CAMK1D: variants seen among roughly 807,000 people sequenced by gnomAD.
The protein encoded by CAMK1D is calcium/calmodulin-dependent protein kinase type 1D.
Under a neutral mutation model 47.7 loss-of-function variants are expected in CAMK1D, and 9 were observed. That is an observed-to-expected ratio of 0.19 (90% CI 0.11 to 0.33). The LOEUF (loss-of-function observed/expected upper bound fraction) is 0.33, where lower values mean the gene tolerates loss of function less well. Ranked by LOEUF, CAMK1D falls within the 10% of genes least tolerant of loss-of-function variation. The pLI, the probability that CAMK1D is intolerant of heterozygous loss-of-function variation, is 1.00. For synonymous variants in CAMK1D, 184 were observed against 184.9 expected (o/e 0.99, Z 0.04); for missense variants, 291 against 488.7 (o/e 0.60, Z 3.81).
At chr10:12,515,430 C>T (rs7910360) in intron 1 of CAMK1D, among the ~76,000 whole-genome samples, 393 of 91,382 alleles carry the variant, frequency 4.3e-3, no homozygotes, top group East Asian at 7.3e-3. Flanking sequence ...TTTTTTTTTT[C>T]ATTATACTTT....
At position 12,697,622 on chromosome 10, in the gene CAMK1D, C is replaced by T. The variant is rs191094464; in HGVS notation, c.299+30812C>T. Among the ~76,000 whole-genome samples, 104 of 152,356 alleles carry T rather than the reference C, an allele frequency of 6.8e-4. 1 individual carries two copies. Among genetic ancestry groups the T allele is most frequent in the African/African-American group, 2.3e-3 (94 of 41,594 alleles). On this transcript the variant is annotated intron_variant, in intron 3 of 10. Coordinates refer to ENST00000619168, the MANE Select transcript of CAMK1D (RefSeq NM_153498.4). ...CCATGTTGGCCAGGTTGGTCTCAAA[C>T]TTCTGACCTCAGGTGATCTGCTCGC... is the stretch of plus-strand genomic sequence containing the variant.
intron 2 of CAMK1D, among the ~76,000 whole-genome samples, chr10:12,566,728 G>A (rs1263282680): frequency 6.6e-6 from 1 of 152,216 alleles, no homozygotes; most frequent in African/African-American, 2.4e-5. Flanking sequence ...TCTTTCAGGA[G>A]AATGCGGGAA....
chr10:12,385,728 A>G (rs1268819000), intron 1 of CAMK1D, among the ~76,000 whole-genome samples: 2 of 146,150 alleles, frequency 1.4e-5, no homozygotes, highest in Non-Finnish European at 3.0e-5. Context: ...ACTGAGAACC[A>G]TTGAATTGTA....
intron 6 of CAMK1D, among the ~76,000 whole-genome samples, chr10:12,805,368 T>C (rs1224766197): frequency 2.6e-5 from 1 of 38,254 alleles, no homozygotes; most frequent in East Asian, 2.1e-3. Context: ...TTTACATTTC[T>C]TTTTTTTTTT....
chr10:12,589,951 CAG>C (rs1588666669), intron 2 of CAMK1D, among the ~76,000 whole-genome samples: 2 of 152,274 alleles, frequency 1.3e-5, no homozygotes. Context: ...TGCCAAACCT[CAG>C]AGCCAAGGGG....
chr10:12,685,849 C>G (rs1003651851), intron 3 of CAMK1D, among the ~76,000 whole-genome samples: 4 of 152,212 alleles, frequency 2.6e-5, no homozygotes, highest in Non-Finnish European at 5.9e-5. Context: ...GAATTTTCGG[C>G]TCTTCGGGAA....
At chr10:12,474,454 A>G (rs1833842704) in intron 1 of CAMK1D, among the ~76,000 whole-genome samples, 1 of 151,936 alleles carries the variant, frequency 6.6e-6, no homozygotes, top group Admixed American at 6.6e-5. Flanking sequence ...CGGCTTCCAA[A>G]AGTGCTGGGA....
At position 12,370,772 on chromosome 10, in the gene CAMK1D, C is replaced by G. The variant is rs1288924261; in HGVS notation, c.92+20862C>G. Among the ~76,000 whole-genome samples, 5 of 152,086 alleles carry G rather than the reference C, an allele frequency of 3.3e-5. 1 individual carries two copies. The South Asian group carries it at 1.0e-3, about 32-fold the overall frequency. On this transcript the variant is annotated intron_variant, in intron 1 of 10. Transcript: ENST00000619168. ...TACAGGCATGCGCCACCACGCCCGG[C>G]TAATTTTTGTACTTTAGTAGAGACG... is the stretch of plus-strand genomic sequence containing the variant.
At chr10:12,384,996 G>C (rs745841596) in intron 1 of CAMK1D, among the ~76,000 whole-genome samples, 1 of 152,170 alleles carries the variant, frequency 6.6e-6, no homozygotes, top group Non-Finnish European at 1.5e-5. Context: ...GAAGGTACAT[G>C]AAAAGATGCC....
At chr10:12,645,463 G>A (rs1159715121) in intron 2 of CAMK1D, among the ~76,000 whole-genome samples, 1 of 152,178 alleles carries the variant, frequency 6.6e-6, no homozygotes, top group Non-Finnish European at 1.5e-5. Flanking sequence ...GTCTCCCAGA[G>A]ATAGGGTGGG....
intron 8 of CAMK1D, among the ~76,000 whole-genome samples, chr10:12,820,717 A>G (rs1355799148): frequency 1.3e-5 from 2 of 152,096 alleles, no homozygotes; most frequent in Non-Finnish European, 2.9e-5. Context: ...GTCTTTTCAG[A>G]GCTCCCCCTT....
intron 2 of CAMK1D, among the ~76,000 whole-genome samples, chr10:12,603,718 A>G (rs1838372025): frequency 2.0e-5 from 3 of 152,078 alleles, no homozygotes; most frequent in African/African-American, 7.2e-5. Flanking sequence ...CACCTCCCTT[A>G]GTACAACTCT....
intron 2 of CAMK1D, among the ~76,000 whole-genome samples, chr10:12,627,177 G>T (rs1839244134): frequency 1.3e-5 from 2 of 150,486 alleles, no homozygotes; most frequent in African/African-American, 2.4e-5. Flanking sequence ...CGCCTCCCGG[G>T]TTCACACCAT....
At chr10:12,454,267 A>G (rs894607771) in intron 1 of CAMK1D, among the ~76,000 whole-genome samples, 2 of 152,158 alleles carry the variant, frequency 1.3e-5, no homozygotes, top group African/African-American at 4.8e-5. Context: ...GGTTCAAGCA[A>G]TTCCCCTGCC....
chr10:12,802,502 A>G (rs1466721493), intron 6 of CAMK1D, among the ~76,000 whole-genome samples: 1 of 152,132 alleles, frequency 6.6e-6, no homozygotes, highest in Non-Finnish European at 1.5e-5. Context: ...TGGAACTGCA[A>G]GACTTCTGGG....
chr10:12,544,397 C>G (rs1836292916), intron 1 of CAMK1D, among the ~76,000 whole-genome samples: 1 of 152,138 alleles, frequency 6.6e-6, no homozygotes, highest in Non-Finnish European at 1.5e-5. Flanking sequence ...GTATAAAAAT[C>G]TGCTGTCTCT....
intron 2 of CAMK1D, among the ~76,000 whole-genome samples, chr10:12,603,025 C>T (rs932854217): frequency 6.6e-6 from 1 of 151,726 alleles, no homozygotes; most frequent in Non-Finnish European, 1.5e-5. Flanking sequence ...ATTCTCCTGC[C>T]TCAGCCATCT....
chr10:12,673,248 G>A (rs1297002976), intron 3 of CAMK1D, among the ~76,000 whole-genome samples: 1 of 152,016 alleles, frequency 6.6e-6, no homozygotes, highest in Non-Finnish European at 1.5e-5. Context: ...CCAATTTGAG[G>A]ACAATTGACA....
At chr10:12,444,026 G>A (rs1403059599) in intron 1 of CAMK1D, among the ~76,000 whole-genome samples, 1 of 152,172 alleles carries the variant, frequency 6.6e-6, no homozygotes, top group Non-Finnish European at 1.5e-5. Flanking sequence ...GTAACTTCCT[G>A]TCGTTACCAT....
Sources: gnomAD v4.1 joint callset for allele counts (sites outside exome capture counted in the v4.1 genomes callset) on GRCh38, gnomAD v4.1.1 for gene constraint, MANE v1.5 for transcripts, NCBI Gene and HGNC (gene_info 2026-07-23, HGNC 2026-07-21) for gene names.